Variants in C1GALT1 observed in about 807,000 individuals in gnomAD.
C1GALT1 encodes core 1 synthase, glycoprotein-N-acetylgalactosamine 3-beta-galactosyltransferase 1.
C1GALT1 carries 11 observed loss-of-function variants against 31.0 expected under a neutral mutation model. The observed-to-expected ratio is 0.36, with a 90% CI of 0.22 to 0.59. The LOEUF is 0.59. Ranked by LOEUF, C1GALT1 falls within the 20% of genes least tolerant of loss-of-function variation. The pLI, the probability that C1GALT1 is intolerant of heterozygous loss-of-function variation, is 0.79. For synonymous variants in C1GALT1, 175 were observed against 143.6 expected (o/e 1.22, Z -1.56); for missense variants, 424 against 425.2 (o/e 1.00, Z 0.03).
chr7:7,162,748 C>G (rs1780349132), intron 2 of C1GALT1, among the ~76,000 whole-genome samples: 1 of 151,974 alleles, frequency 6.6e-6, no homozygotes, highest in Non-Finnish European at 1.5e-5. Context: ...TAAAAGTGTT[C>G]CTATTTCTCC....
In C1GALT1 at chr7:7,245,102, A is replaced by G. The variant is rs1783789275; in HGVS notation, c.*1375A>G. 1 of 152,250 alleles carries G rather than the reference A, an allele frequency of 6.6e-6. No homozygotes were observed. Among genetic ancestry groups the G allele is most frequent in the Admixed American group, 6.5e-5 (1 of 15,284 alleles). The allele number at this position is 152,250 out of a possible 1,614,324, so 9.4% of individuals were successfully genotyped here. ...TAGCAGTACTGAGTGTCATAGCAGAATATTTTACAGACTTTCTATGAGATT... is the reference window on the plus strand; with the variant it reads ...TAGCAGTACTGAGTGTCATAGCAGAGTATTTTACAGACTTTCTATGAGATT... On this transcript the variant is annotated 3_prime_UTR_variant, in exon 4 of 4. Coordinates refer to ENST00000436587, the MANE Select transcript of C1GALT1 (RefSeq NM_020156.5).
chr7:7,186,040 G>A (rs114033828), intron 1 of C1GALT1, among the ~76,000 whole-genome samples: 2,487 of 128,734 alleles, frequency 0.019, 60 homozygotes, highest in African/African-American at 0.074. Flanking sequence ...CCTGGTTCAG[G>A]GGGCCACATC....
At chr7:7,178,966 A>G (rs1219401029), upstream of C1GALT1, among the ~76,000 whole-genome samples, 1 of 152,214 alleles carries the variant, frequency 6.6e-6, no homozygotes, top group Admixed American at 6.5e-5. Context: ...TTTCTAGGTT[A>G]CAGTCAAGAT....
chr7:7,181,129 T>G (rs1764629304), upstream of C1GALT1, among the ~76,000 whole-genome samples: 1 of 147,260 alleles, frequency 6.8e-6, no homozygotes, highest in Admixed American at 6.8e-5. Context: ...AGTTTTGGTT[T>G]CTATTTGGAA....
chr7:7,211,383 T>TA (rs1164341741), intron 1 of C1GALT1, among the ~76,000 whole-genome samples: 1 of 152,210 alleles, frequency 6.6e-6, no homozygotes, highest in African/African-American at 2.4e-5. Flanking sequence ...TTCTCTACTT[T>TA]ACTAGAGGTG....
chr7:7,238,041 C>T lies in C1GALT1; in HGVS notation c.221-214C>T, dbSNP rs1783446823. On this transcript the variant is annotated intron_variant, in intron 2 of 3. Coordinates refer to ENST00000436587, the MANE Select transcript of C1GALT1 (RefSeq NM_020156.5). This position sits in a 1 kb window ranked among gnomAD's most constrained non-coding sequence, Gnocchi z 5.2. ...ATTTAGATTATAATGTCAACTCTTA[C>T]TAGCTCCAGTGATGTCCTAGATAAC... Among the ~76,000 whole-genome samples the T allele has an allele frequency of 1.3e-5, 2 of 152,178 alleles. No homozygotes were observed. Among genetic ancestry groups the T allele is most frequent in the Non-Finnish European group, 2.9e-5 (2 of 68,038 alleles).
chr7:7,198,135 A>C (rs1461437149), intron 1 of C1GALT1, among the ~76,000 whole-genome samples: 1 of 152,174 alleles, frequency 6.6e-6, no homozygotes, highest in Non-Finnish European at 1.5e-5. Context: ...GAATGCTTCC[A>C]GTTTTTGCCC....
intron 2 of C1GALT1, among the ~76,000 whole-genome samples, chr7:7,168,022 G>A (rs1036056661): frequency 6.6e-6 from 1 of 152,176 alleles, no homozygotes; most frequent in Admixed American, 6.5e-5. Context: ...AAAGAAGCAT[G>A]TTCTCCACAT....
rs1184705005 is a variant in C1GALT1, at chr7:7,246,174, A to T, written c.*2447A>T. On this transcript the variant is annotated 3_prime_UTR_variant, in exon 4 of 4. Transcript: ENST00000436587. Reference sequence around the variant, plus strand: ...TCTGTGTATAATAGTGTTAATCCTCAAAATTTGGGTGTTATACCCCTATTA... The same window carrying T: ...TCTGTGTATAATAGTGTTAATCCTCTAAATTTGGGTGTTATACCCCTATTA... 3.3e-5 allele frequency: 5 copies of T among 152,056 alleles called. No individual in the cohort carries two copies. In the East Asian group the frequency reaches 7.7e-4, roughly 24 times the overall value. 9.4% of individuals were successfully genotyped at this position (152,056 alleles called of 1,614,324 possible). A position where few individuals can be genotyped will look rare whatever the true frequency, so the allele number is the denominator to read the frequency against.
chr7:7,222,892 G>T (rs10225975), intron 1 of C1GALT1, among the ~76,000 whole-genome samples: 30,051 of 134,460 alleles, frequency 0.22, 3,238 homozygotes, highest in Middle Eastern at 0.31. Flanking sequence ...TGTATGACAG[G>T]TATGTGAGTT....
chr7:7,175,367 C>G (rs1780494078), intron 2 of C1GALT1, among the ~76,000 whole-genome samples: 1 of 152,228 alleles, frequency 6.6e-6, no homozygotes, highest in South Asian at 2.1e-4. Context: ...GCTAAGGGAT[C>G]AGCCCAAAAT....
intron 2 of C1GALT1, among the ~76,000 whole-genome samples, chr7:7,162,923 A>G (rs1219965937): frequency 1.3e-5 from 2 of 152,148 alleles, no homozygotes; most frequent in Non-Finnish European, 2.9e-5. Context: ...TCTTTTGAGA[A>G]GTGTCTGTTC....
chr7:7,210,436 T>G (rs1347883526), intron 1 of C1GALT1: 2 of 140,692 alleles, frequency 1.4e-5, no homozygotes, highest in Non-Finnish European at 3.1e-5. Flanking sequence ...TTTTTTTTTT[T>G]GGTTTTAAGG....
At chr7:7,204,353 A>G (rs573180988) in intron 1 of C1GALT1, among the ~76,000 whole-genome samples, 114 of 152,124 alleles carry the variant, frequency 7.5e-4, no homozygotes, top group African/African-American at 2.6e-3. Context: ...AGTTGTTGAC[A>G]TTCGGTTGTT....
intron 1 of C1GALT1, among the ~76,000 whole-genome samples, chr7:7,219,257 A>G (rs564586311): frequency 6.6e-6 from 1 of 152,376 alleles, no homozygotes; most frequent in African/African-American, 2.4e-5. Context: ...CTATGATACT[A>G]TAATGACAGA....
In C1GALT1 at chr7:7,243,614, C is replaced by A. The variant is rs1168830991; in HGVS notation, c.979C>A (p.Arg327Ser). Residue 327 changes from arginine to serine, a missense_variant, in exon 4 of 4, where the codon CGT becomes AGT. Arg to Ser is a moderately radical substitution (Grantham distance 110). Coordinates refer to ENST00000436587, the MANE Select transcript of C1GALT1 (RefSeq NM_020156.5). ...YELEYLVYHL[R>S]PYGYLYRYQP... ...GTTAGAATACCTCGTTTATCATCTT[C>A]GTCCATATGGTTATTTATACAGATA... 6.2e-7 allele frequency: 1 copy of A among 1,612,402 alleles called. No homozygotes were observed. Among genetic ancestry groups the A allele is most frequent in the Non-Finnish European group, 8.5e-7 (1 of 1,179,180 alleles).
chr7:7,198,414 G>A (rs757244513), intron 1 of C1GALT1, among the ~76,000 whole-genome samples: 55 of 152,306 alleles, frequency 3.6e-4, no homozygotes, highest in African/African-American at 1.3e-3. Context: ...GCTTTTTGAT[G>A]TGCTGCTGGA....
chr7:7,216,504 C>CA lies in C1GALT1; in HGVS notation c.-17-17791dup, dbSNP rs530743493. On this transcript the variant is annotated intron_variant, in intron 1 of 3. Transcript: ENST00000436587. The stretch of plus-strand genomic sequence containing the variant: ...TTGCCTGGATCCCCCCTCCCCCAGC[C>CA]AAAAAAAACATCTGGAGAGGCTGTC... Among the ~76,000 whole-genome samples the CA allele has an allele frequency of 2.6e-4, 37 of 142,788 alleles. No homozygotes were observed. The East Asian group carries it at 3.9e-3, about 15-fold the overall frequency. The allele number at this position is 142,788 out of a possible 152,430, so 93.7% of individuals were successfully genotyped here. A position where few individuals can be genotyped will look rare whatever the true frequency, so the allele number is the denominator to read the frequency against.
intron 1 of C1GALT1, among the ~76,000 whole-genome samples, chr7:7,192,034 A>G (rs2128232142): frequency 6.6e-6 from 1 of 152,226 alleles, no homozygotes; most frequent in Non-Finnish European, 1.5e-5. Flanking sequence ...CATCCAAGAA[A>G]TCATTGCCAA....
Sources: gnomAD v4.1 joint callset for allele counts (sites outside exome capture counted in the v4.1 genomes callset) on GRCh38, gnomAD v4.1.1 for gene constraint, Gnocchi (gnomAD v3.1) non-coding constraint, MANE v1.5 for transcripts, NCBI Gene and HGNC (gene_info 2026-07-23, HGNC 2026-07-21) for gene names.